Variants in TMEM132C observed in about 807,000 individuals in gnomAD.
The protein encoded by TMEM132C is transmembrane protein 132C, also known as protein phosphatase 1, regulatory subunit 152.
A neutral mutation model predicts 61.4 loss-of-function variants in TMEM132C; 29 were observed. The observed-to-expected ratio is 0.47, with a 90% CI of 0.35 to 0.64. The LOEUF (loss-of-function observed/expected upper bound fraction) is 0.64. TMEM132C is among the 30% of genes least tolerant of loss of function. The probability of loss-of-function intolerance (pLI) is 0.00; values close to 1 mark genes in which losing one functional copy is unlikely to be tolerated. For synonymous variants in TMEM132C, 656 were observed against 633.1 expected, an observed-to-expected ratio of 1.04 and a Z score of -0.54; for missense variants, 1,408 against 1,476.9, an observed-to-expected ratio of 0.95 and a Z score of 0.76.
chr12:128,547,521 A>G (rs910263202), intron 3 of TMEM132C, among the ~76,000 whole-genome samples: 5 of 148,932 alleles, frequency 3.4e-5, no homozygotes, highest in Non-Finnish European at 5.9e-5. Flanking sequence ...CTCAGATCGC[A>G]CCACCATACT....
At chr12:128,591,846 G>C (rs1226988339) in intron 3 of TMEM132C, among the ~76,000 whole-genome samples, 1 of 152,040 alleles carries the variant, frequency 6.6e-6, no homozygotes, top group Non-Finnish European at 1.5e-5. Flanking sequence ...GAGGTCAGAA[G>C]TTCAAGACCA....
In TMEM132C at chr12:128,414,849, A is replaced by G; in HGVS notation, c.203A>G (p.Asn68Ser). 6.5e-7 allele frequency: 1 copy of G among 1,549,986 alleles called. No homozygotes were observed. Among genetic ancestry groups the G allele is most frequent in the Non-Finnish European group, 8.7e-7 (1 of 1,147,078 alleles). Residue 68 changes from asparagine (N) to serine (S), a missense_variant, in exon 2 of 9, where the codon AAC becomes AGC. Asn to Ser is a conservative substitution (Grantham distance 46). Transcript: ENST00000435159. ...AETSFFLKEANQDLLRNSSLQ... is the reference protein window; with the variant it reads ...AETSFFLKEASQDLLRNSSLQ... ...ACCTCCTTCTTCCTCAAGGAAGCCA[A>G]CCAGGACCTGCTGCGGAACTCCAGC...
intron 3 of TMEM132C, among the ~76,000 whole-genome samples, chr12:128,588,425 G>C (rs529031547): frequency 2.6e-5 from 4 of 152,222 alleles, no homozygotes; most frequent in Non-Finnish European, 5.9e-5. Context: ...GCAAGAAGCT[G>C]ACTCAAAAAC....
At chr12:128,636,564 TTGTG>T (rs61201583) in intron 4 of TMEM132C, among the ~76,000 whole-genome samples, 81,085 of 142,000 alleles carry the variant, frequency 0.57, 23,511 homozygotes, top group East Asian at 0.75. Context: ...GGGTTTTTGT[TTGTG>T]TGTGTGTGTG....
chr12:128,535,695 C>A (rs182610024), intron 2 of TMEM132C, among the ~76,000 whole-genome samples: 2 of 152,082 alleles, frequency 1.3e-5, no homozygotes, highest in African/African-American at 4.8e-5. Flanking sequence ...AGTGAAACCC[C>A]GTCTCTACTA....
intron 2 of TMEM132C, among the ~76,000 whole-genome samples, chr12:128,430,203 C>G (rs1869337503): frequency 6.6e-6 from 1 of 152,226 alleles, no homozygotes; most frequent in African/African-American, 2.4e-5. Flanking sequence ...TTTCACCCCA[C>G]TTCGCTTCGT....
intron 3 of TMEM132C, among the ~76,000 whole-genome samples, chr12:128,597,479 A>G (rs969939801): frequency 1.1e-4 from 9 of 80,802 alleles, no homozygotes; most frequent in Non-Finnish European, 1.8e-4. Flanking sequence ...AGAGAGAGGA[A>G]GGAAGGAAGG....
intron 3 of TMEM132C, among the ~76,000 whole-genome samples, chr12:128,613,580 G>A (rs1027942443): frequency 6.6e-6 from 1 of 152,162 alleles, no homozygotes; most frequent in African/African-American, 2.4e-5. Flanking sequence ...TAGCTTGATG[G>A]TCAAGACCTT....
intron 2 of TMEM132C, among the ~76,000 whole-genome samples, chr12:128,495,754 A>G (rs1479352939): frequency 6.6e-6 from 1 of 152,014 alleles, no homozygotes; most frequent in Non-Finnish European, 1.5e-5. Context: ...TTTCCTGAAT[A>G]CAGCACACTG....
chr12:128,601,074 C>T (rs1316866566), intron 3 of TMEM132C, among the ~76,000 whole-genome samples: 1 of 152,212 alleles, frequency 6.6e-6, no homozygotes, highest in Non-Finnish European at 1.5e-5. Context: ...TTTCTGTCGT[C>T]TGTGATATTT....
chr12:128,448,957 G>T (rs530268767), intron 2 of TMEM132C, among the ~76,000 whole-genome samples: 1 of 151,524 alleles, frequency 6.6e-6, no homozygotes, highest in Admixed American at 6.6e-5. Context: ...CTAACACGGC[G>T]AAACCCTGTC....
At chr12:128,476,192 AT>A (rs1871149499) in intron 2 of TMEM132C, among the ~76,000 whole-genome samples, 1 of 152,166 alleles carries the variant, frequency 6.6e-6, no homozygotes, top group South Asian at 2.1e-4. Context: ...AAGGCTGTCC[AT>A]TGGATTAATT....
chr12:128,532,411 G>T (rs1382692272), intron 2 of TMEM132C, among the ~76,000 whole-genome samples: 2 of 151,820 alleles, frequency 1.3e-5, no homozygotes, highest in Admixed American at 1.3e-4. Flanking sequence ...GGCCAAAGCG[G>T]GTGGATCACC....
chr12:128,292,703 AAATT>A (rs879518421), intron 1 of TMEM132C, among the ~76,000 whole-genome samples: 6,181 of 108,306 alleles, frequency 0.057, 865 homozygotes, highest in East Asian at 0.3. Context: ...CTAGGTACCT[AAATT>A]CCTAGATGAG....
At chr12:128,490,074 G>C (rs1041656453) in intron 2 of TMEM132C, among the ~76,000 whole-genome samples, 1 of 152,146 alleles carries the variant, frequency 6.6e-6, no homozygotes, top group Admixed American at 6.5e-5. Flanking sequence ...AATTCCAATT[G>C]AAGGGACTAA....
intron 2 of TMEM132C, among the ~76,000 whole-genome samples, chr12:128,459,402 C>G (rs1307242900): frequency 1.3e-5 from 2 of 152,106 alleles, no homozygotes; most frequent in Admixed American, 1.3e-4. Flanking sequence ...AGAAGAGGAC[C>G]TGGGTTTGAG....
chr12:128,292,195 C>A (rs1871266514), intron 1 of TMEM132C, among the ~76,000 whole-genome samples: 1 of 152,222 alleles, frequency 6.6e-6, no homozygotes, highest in African/African-American at 2.4e-5. Context: ...GACAAAATAT[C>A]ACTTTTTTCT....
intron 1 of TMEM132C, among the ~76,000 whole-genome samples, chr12:128,272,486 C>A (rs1185494781): frequency 6.6e-6 from 1 of 152,198 alleles, no homozygotes; most frequent in African/African-American, 2.4e-5. Context: ...CACCAACAAT[C>A]TTCATGCAAA....
chr12:128,410,329 C>T (rs1868490599), intron 1 of TMEM132C, among the ~76,000 whole-genome samples: 1 of 152,044 alleles, frequency 6.6e-6, no homozygotes, highest in African/African-American at 2.4e-5. Context: ...GAGTAAATTG[C>T]AAGCAAACAT....
Sources: gnomAD v4.1 joint callset for allele counts (sites outside exome capture counted in the v4.1 genomes callset) on GRCh38, gnomAD v4.1.1 for gene constraint, MANE v1.5 for transcripts, NCBI Gene and HGNC (gene_info 2026-07-23, HGNC 2026-07-21) for gene names.